Variants in KLF12 observed in about 807,000 individuals in gnomAD.
The protein encoded by KLF12 is KLF transcription factor 12.
In KLF12, 9 loss-of-function variants were observed where a neutral mutation model predicts 37.8. The ratio of observed to expected loss-of-function variants is 0.24; its 90% CI spans 0.14 to 0.42. The LOEUF is 0.42. KLF12 is among the 10% of genes least tolerant of loss of function. The pLI, the probability that KLF12 is intolerant of heterozygous loss-of-function variation, is 1.00. For synonymous variants in KLF12, 208 were observed against 202.1 expected (o/e 1.03, Z -0.25); for missense variants, 411 against 516.0 (o/e 0.80, Z 1.97).
intron 6 of KLF12, among the ~76,000 whole-genome samples, chr13:73,760,423 G>C (rs968923490): frequency 2.6e-5 from 4 of 151,984 alleles, no homozygotes; most frequent in African/African-American, 7.3e-5. Context: ...TGGGCTCAAG[G>C]CTCCTGCTTC....
chr13:74,132,516 A>G (rs1878318823), intron 1 of KLF12, among the ~76,000 whole-genome samples: 1 of 152,216 alleles, frequency 6.6e-6, no homozygotes, highest in Admixed American at 6.5e-5. Flanking sequence ...GGAATTATCT[A>G]AAACAATCCA....
At chr13:73,912,295 CTT>C (rs1484538146) in intron 3 of KLF12, among the ~76,000 whole-genome samples, 1 of 152,112 alleles carries the variant, frequency 6.6e-6, no homozygotes, top group African/African-American at 2.4e-5. Context: ...CTTAAACACT[CTT>C]TTGTGGATAC....
the KLF12 span, among the ~76,000 whole-genome samples, chr13:74,164,191 C>T: frequency 6.6e-6 from 1 of 152,094 alleles, no homozygotes; most frequent in Non-Finnish European, 1.5e-5. Context: ...ACAGACAGAT[C>T]ATTTAACCCT....
intron 1 of KLF12, among the ~76,000 whole-genome samples, chr13:74,012,270 G>A (rs1372831108): frequency 2.0e-5 from 3 of 152,164 alleles, no homozygotes; most frequent in African/African-American, 4.8e-5. Flanking sequence ...AGTGCTGGAT[G>A]TGTCTTCCAA....
At chr13:73,878,020 C>T (rs1478060412) in intron 3 of KLF12, among the ~76,000 whole-genome samples, 2 of 152,124 alleles carry the variant, frequency 1.3e-5, no homozygotes, top group Admixed American at 6.5e-5. Flanking sequence ...GTTAATACAT[C>T]CTTATCATAT....
intron 6 of KLF12, among the ~76,000 whole-genome samples, chr13:73,749,645 T>C (rs897703372): frequency 3.9e-5 from 6 of 152,074 alleles, no homozygotes; most frequent in African/African-American, 1.4e-4. Context: ...AGGGTGTTAA[T>C]GTAAGCCTGA....
chr13:74,245,333 C>CTATT, the KLF12 span, among the ~76,000 whole-genome samples: 1 of 148,830 alleles, frequency 6.7e-6, no homozygotes, highest in Non-Finnish European at 1.5e-5. Flanking sequence ...ATCTATCTAT[C>CTATT]TATCTATCAT....
the KLF12 span, among the ~76,000 whole-genome samples, chr13:74,225,003 C>T: frequency 3.3e-5 from 5 of 152,222 alleles, no homozygotes; most frequent in East Asian, 7.7e-4. Context: ...AAAATTGGAA[C>T]TTTTAATCAG....
intron 2 of KLF12, chr13:73,960,386 T>C (rs577286476): frequency 6.7e-6 from 2 of 298,350 alleles, no homozygotes; most frequent in South Asian, 2.9e-5. Flanking sequence ...TGACATGTTT[T>C]CTCACTTTTT....
At chr13:74,247,533 A>G in the KLF12 span, among the ~76,000 whole-genome samples, 2 of 152,234 alleles carry the variant, frequency 1.3e-5, no homozygotes, top group South Asian at 4.1e-4. Context: ...CCGACAGGAT[A>G]CCTCATAGCA....
chr13:74,300,655 C>A, the KLF12 span, among the ~76,000 whole-genome samples: 3 of 152,062 alleles, frequency 2.0e-5, no homozygotes, highest in African/African-American at 7.2e-5. Context: ...TAGAAGTCAT[C>A]GCGTATAGCT....
intron 3 of KLF12, among the ~76,000 whole-genome samples, chr13:73,859,620 C>T (rs1200917593): frequency 6.6e-6 from 1 of 152,174 alleles, no homozygotes; most frequent in East Asian, 1.9e-4. Context: ...TGGCATGATG[C>T]AGATGTCAGT....
At chr13:73,812,020 A>G (rs1287014745) in intron 5 of KLF12, among the ~76,000 whole-genome samples, 2 of 152,172 alleles carry the variant, frequency 1.3e-5, no homozygotes, top group African/African-American at 4.8e-5. Flanking sequence ...ACAGAGGTAA[A>G]GGTAACTAAG....
At chr13:74,228,347 A>G in the KLF12 span, among the ~76,000 whole-genome samples, 2 of 152,164 alleles carry the variant, frequency 1.3e-5, no homozygotes, top group East Asian at 3.8e-4. Flanking sequence ...AAAGCAAACC[A>G]ATGAGAGCTG....
chr13:73,881,232 A>G (rs1886965758), intron 3 of KLF12, among the ~76,000 whole-genome samples: 1 of 152,154 alleles, frequency 6.6e-6, no homozygotes, highest in African/African-American at 2.4e-5. Context: ...GTATTTTTGC[A>G]TTCTGCTAGA....
intron 3 of KLF12, among the ~76,000 whole-genome samples, chr13:73,918,850 T>G (rs1000056069): frequency 6.6e-6 from 1 of 152,202 alleles, no homozygotes; most frequent in Non-Finnish European, 1.5e-5. Context: ...GCTATTAGAC[T>G]CTTTAATGTT....
At chr13:74,130,736 A>G (rs1380663843) in intron 1 of KLF12, among the ~76,000 whole-genome samples, 1 of 152,174 alleles carries the variant, frequency 6.6e-6, no homozygotes, top group Non-Finnish European at 1.5e-5. Context: ...GCTCATGTTC[A>G]TTAATCAGCA....
chr13:74,109,311 T>C (rs1876846088), intron 1 of KLF12, among the ~76,000 whole-genome samples: 1 of 152,108 alleles, frequency 6.6e-6, no homozygotes, highest in Non-Finnish European at 1.5e-5. Flanking sequence ...ATGTCAATTT[T>C]TTTTTTTTTA....
intron 2 of KLF12, among the ~76,000 whole-genome samples, chr13:73,972,912 T>C (rs1891389278): frequency 6.6e-6 from 1 of 152,100 alleles, no homozygotes; most frequent in Non-Finnish European, 1.5e-5. Context: ...GATGGTTTCA[T>C]GCAGCATATG....
Sources: allele counts gnomAD v4.1 joint callset (sites outside exome capture counted in the v4.1 genomes callset), GRCh38; gene constraint gnomAD v4.1.1; transcripts MANE v1.5; gene names NCBI Gene and HGNC (gene_info 2026-07-23, HGNC 2026-07-21).